Variants in SCML2 observed in about 807,000 individuals in gnomAD.
SCML2 encodes sex comb on midleg-like protein 2.
A neutral mutation model predicts 48.4 loss-of-function variants in SCML2; 6 were observed. The observed-to-expected ratio is 0.12, with a 90% CI of 0.07 to 0.24. The LOEUF (loss-of-function observed/expected upper bound fraction) is 0.24. Ranked by LOEUF, SCML2 falls within the 10% of genes least tolerant of loss-of-function variation. The pLI is 1.00. For missense variants in SCML2, 377 were observed against 528.2 expected, an observed-to-expected ratio of 0.71 and a Z score of 2.81; for synonymous variants, 181 against 189.5, an observed-to-expected ratio of 0.95 and a Z score of 0.37.
chrX:18,299,390 C>T (rs931970104), intron 7 of SCML2, among the ~76,000 whole-genome samples: 6 of 110,483 alleles, frequency 5.4e-5, no homozygotes, highest in African/African-American at 1.3e-4. Context: ...TAGTGGCACA[C>T]GCCTGTAGTA....
intron 7 of SCML2, among the ~76,000 whole-genome samples, chrX:18,296,558 G>A (rs995033644): frequency 9.0e-6 from 1 of 111,212 alleles, no homozygotes; most frequent in Non-Finnish European, 1.9e-5. Flanking sequence ...CTACCCAAAC[G>A]AAAAGAGACA....
At chrX:18,313,134 G>A (rs746863650) in intron 6 of SCML2, among the ~76,000 whole-genome samples, 10 of 110,185 alleles carry the variant, frequency 9.1e-5, no homozygotes, top group Non-Finnish European at 1.7e-4. Flanking sequence ...CCTTGTCTTT[G>A]CCCTGTTATT....
intron 2 of SCML2, among the ~76,000 whole-genome samples, chrX:18,332,263 G>C (rs1929681799): frequency 8.9e-6 from 1 of 112,244 alleles, no homozygotes; most frequent in African/African-American, 3.2e-5. Context: ...TGATGAGCTG[G>C]ATCTCTAGCA....
intron 11 of SCML2, among the ~76,000 whole-genome samples, chrX:18,256,367 G>C (rs767263774): frequency 9.0e-6 from 1 of 111,354 alleles, no homozygotes; most frequent in Non-Finnish European, 1.9e-5. Context: ...CAGGAAGATC[G>C]ATTGAATCTG....
intron 7 of SCML2, among the ~76,000 whole-genome samples, chrX:18,296,592 C>T (rs1311209492): frequency 1.8e-5 from 2 of 111,136 alleles, no homozygotes; most frequent in African/African-American, 6.5e-5. Context: ...TACAGAAATA[C>T]AAAAGATCAT....
At chrX:18,269,757 A>G (rs1950245474) in intron 7 of SCML2, among the ~76,000 whole-genome samples, 1 of 111,213 alleles carries the variant, frequency 9.0e-6, no homozygotes, top group African/African-American at 3.3e-5. Context: ...CGAATGAAAA[A>G]TATTTTCAGC....
At chrX:18,260,094 C>T in intron 9 of SCML2, 77 bp downstream of exon 9, 1 of 691,368 alleles carries the variant, frequency 1.4e-6, no homozygotes, top group Non-Finnish European at 2.0e-6. Flanking sequence ...ATTTTATTTC[C>T]AGGACTTCGA....
At position 18,252,298 on chromosome X, in the gene SCML2, A is replaced by G. The variant is rs1217572165; in HGVS notation, c.1457-4416T>C. ...CAAAAAAACAAAACAAACAAACAACAAAACACATTATGCTAAGTGAAAGAA... is the reference window on the plus strand; with the variant it reads ...CAAAAAAACAAAACAAACAAACAACGAAACACATTATGCTAAGTGAAAGAA... On this transcript the variant is annotated intron_variant, in intron 11 of 14. Transcript: ENST00000251900. 3.5e-5 allele frequency among the ~76,000 whole-genome samples: 4 copies of G among 112,743 alleles called. No individual in the cohort carries two copies. In the Admixed American group the frequency reaches 3.7e-4, roughly 11 times the overall value.
At chrX:18,313,327 G>A (rs183525093) in intron 6 of SCML2, among the ~76,000 whole-genome samples, 32 of 110,694 alleles carry the variant, frequency 2.9e-4, no homozygotes, top group African/African-American at 9.9e-4. Flanking sequence ...TGCTATTCTC[G>A]TGGTAGTGAA....
At position 18,257,936 on chromosome X, in the gene SCML2, GGGGAAA is replaced by G. The variant is rs1345476986; in HGVS notation, c.1273+102_1273+107del. On this transcript the variant is annotated intron_variant, in intron 10 of 14. Coordinates refer to ENST00000251900, the MANE Select transcript of SCML2 (RefSeq NM_006089.3). Reference sequence around the variant, plus strand: ...AAAGGGCGGGGGAGGGGGAAGGGGAGGGGAAAGGGGAAGGGGAGAGGAAAGGGAAGG... The same window carrying G: ...AAAGGGCGGGGGAGGGGGAAGGGGAGGGGGAAGGGGAGAGGAAAGGGAAGG... 2.2e-5 allele frequency: 10 copies of G among 460,688 alleles called. No homozygotes were observed. The African/African-American group carries it at 3.1e-4, about 14-fold the overall frequency. The allele number at this position is 460,688 out of a possible 1,213,427, so 38.0% of individuals were successfully genotyped here. A position where few individuals can be genotyped will look rare whatever the true frequency, so the allele number is the denominator to read the frequency against.
At chrX:18,323,370 C>T (rs906159613) in intron 5 of SCML2, among the ~76,000 whole-genome samples, 1 of 111,980 alleles carries the variant, frequency 8.9e-6, no homozygotes, top group Non-Finnish European at 1.9e-5. Context: ...ATTCCTGTCC[C>T]TCTCGCTCTG....
At chrX:18,352,808 T>C (rs1602160234) in intron 1 of SCML2, among the ~76,000 whole-genome samples, 1 of 112,120 alleles carries the variant, frequency 8.9e-6, no homozygotes, top group African/African-American at 3.2e-5. Flanking sequence ...CTATCAACTT[T>C]AAAGCACCCG....
rs759890440 is a variant in SCML2 at position 18,304,076 on chromosome X, G to A, written c.730+896C>T. Among the ~76,000 whole-genome samples, 6 of 110,915 alleles carry A rather than the reference G, an allele frequency of 5.4e-5. No homozygotes were observed. In the South Asian group the frequency reaches 1.5e-3, roughly 28 times the overall value. On this transcript the variant is annotated intron_variant, in intron 7 of 14. Transcript: ENST00000251900. ...TTTTTTGAGACGGAGTTTTGTTCTC[G>A]TTGCCCAGGCAGGAGTGCAGTGGCG... is the stretch of plus-strand genomic sequence containing the variant.
At chrX:18,270,646 A>C (rs748600134) in intron 7 of SCML2, among the ~76,000 whole-genome samples, 2 of 111,449 alleles carry the variant, frequency 1.8e-5, no homozygotes, top group African/African-American at 6.5e-5. Flanking sequence ...ACACATCAAA[A>C]TTAAACTCCC....
intron 10 of SCML2, among the ~76,000 whole-genome samples, chrX:18,257,733 CAA>C (rs1926900136): frequency 9.3e-6 from 1 of 108,044 alleles, no homozygotes; most frequent in African/African-American, 3.4e-5. Context: ...ACTAAAAATA[CAA>C]AAGTTAGCCA....
intron 7 of SCML2, among the ~76,000 whole-genome samples, chrX:18,272,414 C>T (rs1927492075): frequency 8.9e-6 from 1 of 112,260 alleles, no homozygotes; most frequent in African/African-American, 3.2e-5. Context: ...GTTCCTGGTA[C>T]TTATCACAAC....
intron 1 of SCML2, among the ~76,000 whole-genome samples, chrX:18,343,923 TAAAAAA>T (rs1203495780): frequency 1.3e-4 from 7 of 53,351 alleles, no homozygotes; most frequent in African/African-American, 2.3e-4. Flanking sequence ...TGCCTCTATT[TAAAAAA>T]AAAAAAAAAA....
chrX:18,259,405 T>C (rs1255618537), intron 9 of SCML2, among the ~76,000 whole-genome samples: 5 of 112,188 alleles, frequency 4.5e-5, no homozygotes, highest in African/African-American at 1.3e-4. Flanking sequence ...CTATATTTAG[T>C]ATAAGAAAAC....
At chrX:18,279,748 C>T (rs1927764754) in intron 7 of SCML2, among the ~76,000 whole-genome samples, 1 of 111,420 alleles carries the variant, frequency 9.0e-6, no homozygotes, top group Admixed American at 9.6e-5. Flanking sequence ...TAGAAGAGAC[C>T]AAGCTGAGGA....
Sources: allele counts gnomAD v4.1 joint callset (sites outside exome capture counted in the v4.1 genomes callset), GRCh38; gene constraint gnomAD v4.1.1; transcripts MANE v1.5; gene names NCBI Gene and HGNC (gene_info 2026-07-23, HGNC 2026-07-21).